TECPR2: variants seen among roughly 807,000 people sequenced by gnomAD.
The protein encoded by TECPR2 is tectonin beta-propeller repeat-containing protein 2.
In TECPR2, 65 loss-of-function variants were observed where a neutral mutation model predicts 138.1. The ratio of observed to expected loss-of-function variants is 0.47; its 90% CI spans 0.39 to 0.58. The LOEUF (loss-of-function observed/expected upper bound fraction) is 0.58, where lower values mean the gene tolerates loss of function less well. TECPR2 is among the 20% of genes least tolerant of loss of function. The pLI is 0.00. For missense variants in TECPR2, 1,553 were observed against 1,824.5 expected (o/e 0.85, Z 2.71); for synonymous variants, 746 against 749.8 (o/e 0.99, Z 0.08).
rs1460860835 is a variant in TECPR2, at chr14:102,415,209, T to G, written c.638+416T>G. 1.3e-5 allele frequency among the ~76,000 whole-genome samples: 2 copies of G among 152,128 alleles called. No individual in the cohort carries two copies. The highest frequency in any genetic ancestry group is 2.9e-5 in the Non-Finnish European group (2 of 68,024). ...CTGTGCACTGTGGCAGGCTCAGCAG[T>G]GACATGGTAAACACGGCAGATCTGA... On this transcript the variant is annotated intron_variant, in intron 5 of 19. Coordinates refer to ENST00000359520, the MANE Select transcript of TECPR2 (RefSeq NM_014844.5). This position sits in a 1 kb window ranked among gnomAD's most constrained non-coding sequence, Gnocchi z 4.3.
At chr14:102,368,839 G>T (rs938336110) in intron 1 of TECPR2, among the ~76,000 whole-genome samples, 2 of 152,148 alleles carry the variant, frequency 1.3e-5, no homozygotes, top group African/African-American at 4.8e-5. Context: ...GTGAGGAGGC[G>T]CCAGGCTTGA....
intron 13 of TECPR2, among the ~76,000 whole-genome samples, chr14:102,448,064 A>C (rs1429275032): frequency 1.3e-5 from 2 of 152,210 alleles, no homozygotes; most frequent in Non-Finnish European, 2.9e-5. Flanking sequence ...AGTCATGCAA[A>C]TGATTTTAAA....
chr14:102,487,173 C>T (rs966227088), intron 17 of TECPR2, among the ~76,000 whole-genome samples: 9 of 152,158 alleles, frequency 5.9e-5, no homozygotes, highest in Non-Finnish European at 1.0e-4. Flanking sequence ...CACAAATGGC[C>T]GCCTGGATAA....
intron 17 of TECPR2, among the ~76,000 whole-genome samples, chr14:102,486,400 A>C (rs1050624613): frequency 4.6e-5 from 7 of 152,218 alleles, no homozygotes; most frequent in African/African-American, 1.7e-4. Flanking sequence ...CCTGGGCTCA[A>C]GTGATCCTCT....
chr14:102,425,354 CTG>C (rs2139716644), intron 6 of TECPR2, 63 bp downstream of exon 6: 2 of 1,492,804 alleles, frequency 1.3e-6, no homozygotes, highest in African/African-American at 1.4e-5. Context: ...TCTCTATAAA[CTG>C]TTCTACTCAG....
intron 17 of TECPR2, among the ~76,000 whole-genome samples, chr14:102,485,671 G>T (rs1244398968): frequency 6.6e-6 from 1 of 152,134 alleles, no homozygotes; most frequent in Non-Finnish European, 1.5e-5. Context: ...TGTGCCCCCA[G>T]TAAAACCATG....
Position 102,369,793 on chromosome 14 carries a change from A to G in TECPR2, c.-73+6677A>G, listed in dbSNP as rs1225941616. On this transcript the variant is annotated intron_variant, in intron 1 of 19. Coordinates refer to ENST00000359520, the MANE Select transcript of TECPR2 (RefSeq NM_014844.5). ...CGTCTCTACTAAAAAAAACAAAAAAACAAAAAAACAAAAAATTAGCCAGGC... is the reference window on the plus strand; with the variant it reads ...CGTCTCTACTAAAAAAAACAAAAAAGCAAAAAAACAAAAAATTAGCCAGGC... Among the ~76,000 whole-genome samples, 6 of 151,314 alleles carry G rather than the reference A, an allele frequency of 4.0e-5. No homozygotes were observed. In the East Asian group the frequency reaches 1.2e-3, roughly 30 times the overall value.
chr14:102,484,940 C>G (rs971043756), intron 17 of TECPR2, among the ~76,000 whole-genome samples: 7 of 152,154 alleles, frequency 4.6e-5, no homozygotes, highest in Non-Finnish European at 7.4e-5. Flanking sequence ...ATTACAGGCG[C>G]GAGCCACTGC....
intron 17 of TECPR2, among the ~76,000 whole-genome samples, chr14:102,481,476 C>CA (rs1270695223): frequency 6.6e-6 from 1 of 152,174 alleles, no homozygotes; most frequent in African/African-American, 2.4e-5. Context: ...GAAAGTCATA[C>CA]ATGAAATGCC....
At chr14:102,364,385 C>T (rs1190724570) in intron 1 of TECPR2, among the ~76,000 whole-genome samples, 3 of 152,202 alleles carry the variant, frequency 2.0e-5, no homozygotes, top group African/African-American at 7.2e-5. Flanking sequence ...ATTTGGCCAT[C>T]GTGTGCCAGC....
At chr14:102,497,545 C>T in intron 18 of TECPR2, 25 bp from the exon 19 acceptor site, 1 of 1,542,918 alleles carries the variant, frequency 6.5e-7, no homozygotes, top group Non-Finnish European at 8.8e-7. Flanking sequence ...GGCAGGGGCT[C>T]AGGAGGGACC....
At chr14:102,398,209 C>A (rs1412503426) in intron 2 of TECPR2, among the ~76,000 whole-genome samples, 1 of 151,140 alleles carries the variant, frequency 6.6e-6, no homozygotes, top group African/African-American at 2.4e-5. Context: ...AATACAATAA[C>A]TGAAATGAGA....
rs184890979 is a variant in TECPR2, at chr14:102,376,694, G to T, written c.-28G>T. 1 of 1,602,998 alleles carries T rather than the reference G, an allele frequency of 6.2e-7. No homozygotes were observed. The highest frequency in any genetic ancestry group is 8.5e-7 in the Non-Finnish European group (1 of 1,170,052). ...GACAAATAAACATTCCTTTTCCTGCGTGAAGATAGTCTGTGGAAACCTTGG... is the reference window on the plus strand; with the variant it reads ...GACAAATAAACATTCCTTTTCCTGCTTGAAGATAGTCTGTGGAAACCTTGG... On this transcript the variant is annotated 5_prime_UTR_variant, in exon 2 of 20. Transcript: ENST00000359520.
intron 17 of TECPR2, among the ~76,000 whole-genome samples, chr14:102,495,810 G>A (rs1424038336): frequency 3.9e-5 from 6 of 152,194 alleles, no homozygotes; most frequent in East Asian, 1.9e-4. Context: ...TCATACATGC[G>A]TTCATCAGCC....
intron 1 of TECPR2, among the ~76,000 whole-genome samples, chr14:102,363,541 G>T (rs1354598080): frequency 2.0e-5 from 3 of 152,274 alleles, no homozygotes; most frequent in Non-Finnish European, 4.4e-5. Context: ...CCGGCGCCTG[G>T]CCCCAGGCCT....
At chr14:102,472,171 C>T (rs942774398) in intron 17 of TECPR2, among the ~76,000 whole-genome samples, 21 of 152,218 alleles carry the variant, frequency 1.4e-4, no homozygotes, top group African/African-American at 5.1e-4. Flanking sequence ...AGGAAGCTGC[C>T]GATCTCAGTC....
intron 6 of TECPR2, 117 bp downstream of exon 6, chr14:102,425,408 T>A: frequency 9.6e-7 from 1 of 1,042,848 alleles, no homozygotes; most frequent in Non-Finnish European, 1.3e-6. Flanking sequence ...ACTTACACTT[T>A]ACTTTTTCCT....
intron 17 of TECPR2, among the ~76,000 whole-genome samples, chr14:102,470,221 T>C (rs937981609): frequency 6.6e-6 from 1 of 152,232 alleles, no homozygotes; most frequent in Non-Finnish European, 1.5e-5. Flanking sequence ...CATGAATTCA[T>C]GTAGCCATGT....
At chr14:102,481,834 C>T (rs1890900150) in intron 17 of TECPR2, among the ~76,000 whole-genome samples, 1 of 152,116 alleles carries the variant, frequency 6.6e-6, no homozygotes, top group Non-Finnish European at 1.5e-5. Flanking sequence ...GCATGCAGAG[C>T]TCTTGCATCC....
Sources: gnomAD v4.1 joint callset for allele counts (sites outside exome capture counted in the v4.1 genomes callset) on GRCh38, gnomAD v4.1.1 for gene constraint, Gnocchi (gnomAD v3.1) non-coding constraint, MANE v1.5 for transcripts, NCBI Gene and HGNC (gene_info 2026-07-23, HGNC 2026-07-21) for gene names.